Variants in EPHB2 observed in about 807,000 individuals in gnomAD.
EPHB2 encodes the protein EPH receptor B2.
EPHB2 carries 18 observed loss-of-function variants against 96.4 expected under a neutral mutation model. That is an observed-to-expected ratio of 0.19 (90% CI 0.13 to 0.28). The LOEUF is 0.28. Among genes scored for constraint, EPHB2 ranks in the 10% least tolerant of loss-of-function variants. EPHB2 has a pLI of 1.00. For missense variants in EPHB2, 989 were observed against 1,355.4 expected (o/e 0.73, Z 4.25); for synonymous variants, 506 against 534.1 (o/e 0.95, Z 0.72).
Position 22,865,128 on chromosome 1 carries a change from G to A in EPHB2, c.1219G>A (p.Glu407Lys), listed in dbSNP as rs1470876488. The change falls in exon 5 of 16, where the codon GAG becomes AAG. Residue 407 changes from glutamate (E) to lysine (K), a missense_variant. Physicochemically the swap from Glu to Lys is moderately conservative, Grantham distance 56. Coordinates refer to ENST00000374630, the MANE Select transcript of EPHB2 (RefSeq NM_017449.5). ...DLLAHTQYTF[E>K]IQAVNGVTDQ... ...GCTGGCCCACACCCAGTACACCTTC[G>A]AGATCCAGGCTGTGAACGGCGTTAC... 3.1e-6 allele frequency: 5 copies of A among 1,614,168 alleles called. No individual in the cohort carries two copies. Among genetic ancestry groups the A allele is most frequent in the Non-Finnish European group, 4.2e-6 (5 of 1,180,038 alleles).
intron 3 of EPHB2, among the ~76,000 whole-genome samples, chr1:22,788,368 G>A (rs72880961): frequency 0.062 from 9,436 of 152,258 alleles, 474 homozygotes; most frequent in African/African-American, 0.14. Flanking sequence ...GCCATCCACT[G>A]AGTGTGAGTG....
chr1:22,795,983 C>T (rs1487254495), intron 3 of EPHB2, among the ~76,000 whole-genome samples: 1 of 152,174 alleles, frequency 6.6e-6, no homozygotes, highest in Non-Finnish European at 1.5e-5. Context: ...CCTGCCTCTT[C>T]CCACCCAGGG....
intron 1 of EPHB2, chr1:22,775,164 TG>T (rs1245305222): frequency 1.3e-6 from 1 of 779,486 alleles, no homozygotes; most frequent in Non-Finnish European, 2.4e-6. Context: ...GCTATGGCCA[TG>T]GCATCTTAAA....
In EPHB2 at chr1:22,711,633, G is replaced by T. The variant is rs577799400; in HGVS notation, c.61+590G>T. Among the ~76,000 whole-genome samples the T allele has an allele frequency of 9.5e-3, 1,443 of 152,054 alleles. 27 individuals are homozygous for T. The highest frequency in any genetic ancestry group is 0.033 in the African/African-American group (1,376 of 41,506). ...GCCCATCGCCCGCGGCGTACAATGG[G>T]GTCCCCTCCCCGAGAGGACTGCGCG... On this transcript the variant is annotated intron_variant, in intron 1 of 15. Transcript: ENST00000374630.
chr1:22,901,398 A>C (rs1331895612), intron 9 of EPHB2, among the ~76,000 whole-genome samples: 7 of 152,170 alleles, frequency 4.6e-5, no homozygotes, highest in Non-Finnish European at 1.0e-4. Context: ...CTTCAAACTC[A>C]CAAAGCAGCT....
At chr1:22,788,970 G>A (rs1214680917) in intron 3 of EPHB2, among the ~76,000 whole-genome samples, 1 of 152,106 alleles carries the variant, frequency 6.6e-6, no homozygotes, top group Admixed American at 6.5e-5. Context: ...GACCAGGCTG[G>A]TCTCGAACTC....
chr1:22,855,543 G>A (rs751356828), intron 3 of EPHB2, among the ~76,000 whole-genome samples: 52 of 152,226 alleles, frequency 3.4e-4, no homozygotes, highest in Admixed American at 2.4e-3. Flanking sequence ...GTAAATGCCT[G>A]TAGAATAAAT....
chr1:22,801,889 C>T (rs188687159), intron 3 of EPHB2, among the ~76,000 whole-genome samples: 12 of 152,332 alleles, frequency 7.9e-5, no homozygotes, highest in Non-Finnish European at 1.2e-4. Flanking sequence ...CTGACCTCTG[C>T]GTGTTGGGAA....
chr1:22,790,847 C>T lies in EPHB2; in HGVS notation c.811+5771C>T, dbSNP rs1160206582. On this transcript the variant is annotated intron_variant, in intron 3 of 15. Coordinates refer to ENST00000374630, the MANE Select transcript of EPHB2 (RefSeq NM_017449.5). The surrounding 1 kb of genome is among the most constrained non-coding windows in gnomAD (Gnocchi z 4.0). Reference sequence around the variant, plus strand: ...TTGCACGCACATGTTGATTCGCTGGCTCCAGCTCAGACTCCCCAGTTCCCA... The same window carrying T: ...TTGCACGCACATGTTGATTCGCTGGTTCCAGCTCAGACTCCCCAGTTCCCA... Among the ~76,000 whole-genome samples the T allele has an allele frequency of 1.3e-5, 2 of 152,230 alleles. No homozygotes were observed. The highest frequency in any genetic ancestry group is 6.5e-5 in the Admixed American group (1 of 15,286).
chr1:22,736,233 CTT>C (rs1643824654), intron 1 of EPHB2, among the ~76,000 whole-genome samples: 1 of 152,134 alleles, frequency 6.6e-6, no homozygotes, highest in African/African-American at 2.4e-5. Flanking sequence ...TCCCTTTCCT[CTT>C]TGGCAAGACT....
rs147100944 is a variant in EPHB2 at position 22,812,933 on chromosome 1, T to C, written c.811+27857T>C. Among the ~76,000 whole-genome samples the C allele has an allele frequency of 7.9e-5, 12 of 152,324 alleles. No individual in the cohort carries two copies. In the East Asian group the frequency reaches 2.3e-3, roughly 29 times the overall value. On this transcript the variant is annotated intron_variant, in intron 3 of 15. Coordinates refer to ENST00000374630, the MANE Select transcript of EPHB2 (RefSeq NM_017449.5). ...GTGAATGACTACAAACCACCTTCACTGGCCACAGGAGCCTAAATCTGTGTC... is the reference window on the plus strand; with the variant it reads ...GTGAATGACTACAAACCACCTTCACCGGCCACAGGAGCCTAAATCTGTGTC...
At chr1:22,769,811 G>C (rs1030110996) in intron 1 of EPHB2, among the ~76,000 whole-genome samples, 6 of 152,166 alleles carry the variant, frequency 3.9e-5, no homozygotes, top group African/African-American at 1.4e-4. Context: ...ATGTATAAAT[G>C]AGTGATGTGA....
chr1:22,916,848 C>T lies in EPHB2; in HGVS notation c.*3278C>T, dbSNP rs538398588. 1 of 152,458 alleles carries T rather than the reference C, an allele frequency of 6.6e-6. No individual in the cohort carries two copies. The highest frequency in any genetic ancestry group is 1.5e-5 in the Non-Finnish European group (1 of 68,170). The allele number at this position is 152,458 out of a possible 1,614,324, so 9.4% of individuals were successfully genotyped here. A position where few individuals can be genotyped will look rare whatever the true frequency, so the allele number is the denominator to read the frequency against. On this transcript the variant is annotated 3_prime_UTR_variant, in exon 16 of 16. Transcript: ENST00000374630. This position sits in a 1 kb window ranked among gnomAD's most constrained non-coding sequence, Gnocchi z 4.2. Reference sequence around the variant, plus strand: ...TGCAGCTAGCAGAGCTGTGCAGCGCCAGGCTGGGTAGGAGAGAGCCATGCT... The same window carrying T: ...TGCAGCTAGCAGAGCTGTGCAGCGCTAGGCTGGGTAGGAGAGAGCCATGCT...
At chr1:22,874,028 G>A (rs1403240873) in intron 5 of EPHB2, among the ~76,000 whole-genome samples, 1 of 152,172 alleles carries the variant, frequency 6.6e-6, no homozygotes, top group African/African-American at 2.4e-5. Flanking sequence ...GAGGTAACTT[G>A]CCTGCAGTCA....
At chr1:22,856,668 T>G (rs185985259) in intron 3 of EPHB2, among the ~76,000 whole-genome samples, 79 of 152,288 alleles carry the variant, frequency 5.2e-4, no homozygotes, top group African/African-American at 1.8e-3. Flanking sequence ...GGGCGGTCAC[T>G]TCACTCTCCC....
intron 5 of EPHB2, among the ~76,000 whole-genome samples, chr1:22,869,923 A>G (rs768306478): frequency 6.6e-6 from 1 of 151,890 alleles, no homozygotes; most frequent in Non-Finnish European, 1.5e-5. Flanking sequence ...GCTTTTCCTC[A>G]CCATGGTTTT....
chr1:22,745,623 T>C (rs547978789), intron 1 of EPHB2, among the ~76,000 whole-genome samples: 1 of 152,340 alleles, frequency 6.6e-6, no homozygotes, highest in African/African-American at 2.4e-5. Flanking sequence ...GGTTTGGCTT[T>C]GGGCAAGTGA....
chr1:22,895,963 TAGG>T (rs1397464805), intron 8 of EPHB2, among the ~76,000 whole-genome samples: 5 of 152,028 alleles, frequency 3.3e-5, no homozygotes, highest in South Asian at 4.1e-4. Flanking sequence ...AGGGAGGACT[TAGG>T]AGGAGGAGGG....
At chr1:22,804,877 C>T (rs1359383869) in intron 3 of EPHB2, among the ~76,000 whole-genome samples, 1 of 152,014 alleles carries the variant, frequency 6.6e-6, no homozygotes. Context: ...CCTGCCTCCC[C>T]ACTTGTCTCT....
Sources: gnomAD v4.1 joint callset for allele counts (sites outside exome capture counted in the v4.1 genomes callset) on GRCh38, gnomAD v4.1.1 for gene constraint, Gnocchi (gnomAD v3.1) non-coding constraint, MANE v1.5 for transcripts, NCBI Gene and HGNC (gene_info 2026-07-23, HGNC 2026-07-21) for gene names.